Variants in ABHD2 observed in about 807,000 individuals in gnomAD.
ABHD2 encodes the protein monoacylglycerol lipase ABHD2.
ABHD2 carries 20 observed loss-of-function variants against 48.1 expected under a neutral mutation model. The observed-to-expected ratio is 0.42, with a 90% confidence interval of 0.29 to 0.60. ABHD2 has a LOEUF of 0.60. Ranked by LOEUF, ABHD2 falls within the 20% of genes least tolerant of loss-of-function variation. The probability of loss-of-function intolerance (pLI) is 0.24; values close to 1 mark genes in which losing one functional copy is unlikely to be tolerated. For missense variants in ABHD2, 405 were observed against 550.9 expected (o/e 0.74, Z 2.65); for synonymous variants, 209 against 214.2 (o/e 0.98, Z 0.21).
chr15:89,046,648 T>G, the ABHD2 span, among the ~76,000 whole-genome samples: 8 of 152,168 alleles, frequency 5.3e-5, no homozygotes, highest in Non-Finnish European at 8.8e-5. Context: ...GTCGAGGAAT[T>G]TATCCATTTC....
chr15:89,125,791 G>T (rs1021250737), intron 3 of ABHD2, among the ~76,000 whole-genome samples: 2 of 152,138 alleles, frequency 1.3e-5, no homozygotes, highest in Non-Finnish European at 2.9e-5. Flanking sequence ...GAAAAGTGCC[G>T]CCATCTTTGA....
chr15:89,069,569 T>C, the ABHD2 span, among the ~76,000 whole-genome samples: 1 of 152,038 alleles, frequency 6.6e-6, no homozygotes, highest in African/African-American at 2.4e-5. Context: ...ATTTTGCCAC[T>C]CCAGGTTTTT....
chr15:89,181,756 T>G (rs1454142949), intron 6 of ABHD2, among the ~76,000 whole-genome samples: 1 of 152,214 alleles, frequency 6.6e-6, no homozygotes, highest in Non-Finnish European at 1.5e-5. Context: ...CAGTACTTGG[T>G]CCACTCACTT....
In ABHD2 at chr15:89,173,763, G is replaced by T. The variant is rs1228334337; in HGVS notation, c.539-2049G>T. On this transcript the variant is annotated intron_variant, in intron 5 of 10. Coordinates refer to ENST00000352732, the MANE Select transcript of ABHD2 (RefSeq NM_152924.5). This position sits in a 1 kb window ranked among gnomAD's most constrained non-coding sequence, Gnocchi z 6.5. ...TCAATTCAGCAACTCTTTATTGAAG[G>T]CCTGCAAACTGCCCCAGCCTCTGCT... 6.6e-6 allele frequency among the ~76,000 whole-genome samples: 1 copy of T among 152,158 alleles called. No individual in the cohort carries two copies. Among genetic ancestry groups the T allele is most frequent in the Non-Finnish European group, 1.5e-5 (1 of 68,020 alleles).
Position 89,167,626 on chromosome 15 carries a change from C to A in ABHD2, c.539-8186C>A, listed in dbSNP as rs1459743965. Among the ~76,000 whole-genome samples the A allele has an allele frequency of 6.6e-6, 1 of 152,182 alleles. No homozygotes were observed. The highest frequency in any genetic ancestry group is 1.5e-5 in the Non-Finnish European group (1 of 68,038). ...CTGGGGAAACAAGGCTGAAAACACTCATTTTTTAAAATCCTTATTTCAGAG... is the reference window on the plus strand; with the variant it reads ...CTGGGGAAACAAGGCTGAAAACACTAATTTTTTAAAATCCTTATTTCAGAG... On this transcript the variant is annotated intron_variant, in intron 5 of 10. Coordinates refer to ENST00000352732, the MANE Select transcript of ABHD2 (RefSeq NM_152924.5). The surrounding 1 kb of genome is among the most constrained non-coding windows in gnomAD (Gnocchi z 5.5).
the ABHD2 span, among the ~76,000 whole-genome samples, chr15:89,045,523 T>C: frequency 3.9e-5 from 6 of 152,264 alleles, no homozygotes; most frequent in Non-Finnish European, 8.8e-5. Context: ...TGATTCTTCC[T>C]ACTCATGAGC....
chr15:89,161,297 C>A (rs2050758226), intron 5 of ABHD2, among the ~76,000 whole-genome samples: 1 of 152,072 alleles, frequency 6.6e-6, no homozygotes, highest in African/African-American at 2.4e-5. Context: ...CCCAGTGTAC[C>A]CTTTACCCAA....
rs2051374721 is a variant in ABHD2 at position 89,195,070 on chromosome 15, C to T, written c.1082-157C>T. On this transcript the variant is annotated intron_variant, in intron 10 of 10. Transcript: ENST00000352732. This position sits in a 1 kb window ranked among gnomAD's most constrained non-coding sequence, Gnocchi z 5.1. ...GCTAGATGCCACTGTCTTGCCTGCC[C>T]CCTCTTTGGTGAACAAGGCAGAGTG... Among the ~76,000 whole-genome samples, 1 of 152,228 alleles carries T rather than the reference C, an allele frequency of 6.6e-6. No individual in the cohort carries two copies. Among genetic ancestry groups the T allele is most frequent in the African/African-American group, 2.4e-5 (1 of 41,462 alleles).
intron 3 of ABHD2, among the ~76,000 whole-genome samples, chr15:89,119,659 A>C (rs1286021965): frequency 1.3e-5 from 2 of 152,164 alleles, no homozygotes; most frequent in Non-Finnish European, 2.9e-5. Context: ...GGAAGTGAAC[A>C]GGGACTTTTC....
At chr15:89,162,317 G>T (rs2050775045) in intron 5 of ABHD2, among the ~76,000 whole-genome samples, 1 of 152,050 alleles carries the variant, frequency 6.6e-6, no homozygotes, top group Non-Finnish European at 1.5e-5. Flanking sequence ...TTCAATTTAA[G>T]ATCCAAGTCA....
intron 3 of ABHD2, among the ~76,000 whole-genome samples, chr15:89,135,239 T>C (rs574343264): frequency 2.7e-5 from 4 of 145,982 alleles, no homozygotes; most frequent in East Asian, 4.1e-4. Context: ...ATGAAAAAAC[T>C]ACCATCCCCA....
intron 3 of ABHD2, among the ~76,000 whole-genome samples, chr15:89,138,834 G>A (rs2150862650): frequency 6.6e-6 from 1 of 152,004 alleles, no homozygotes; most frequent in Non-Finnish European, 1.5e-5. Context: ...CTGAATCAGA[G>A]ACCTGTCCTC....
chr15:89,073,772 C>G, the ABHD2 span, among the ~76,000 whole-genome samples: 1 of 152,190 alleles, frequency 6.6e-6, no homozygotes, highest in Non-Finnish European at 1.5e-5. Context: ...CGATCCTACA[C>G]ATCTGTGGAT....
At chr15:89,058,267 G>A in the ABHD2 span, among the ~76,000 whole-genome samples, 6 of 152,152 alleles carry the variant, frequency 3.9e-5, no homozygotes, top group East Asian at 1.9e-4. Flanking sequence ...CCTCACATAC[G>A]TGTGGATACT....
At chr15:89,070,011 C>T in the ABHD2 span, 1 of 152,142 alleles carries the variant, frequency 6.6e-6, no homozygotes, top group Non-Finnish European at 1.5e-5. Context: ...AAAGGGTAGG[C>T]TTGGTTGTGT....
Position 89,166,197 on chromosome 15 carries a change from A to C in ABHD2, c.539-9615A>C, listed in dbSNP as rs924992976. Among the ~76,000 whole-genome samples the C allele has an allele frequency of 2.6e-5, 4 of 152,226 alleles. No individual in the cohort carries two copies. Among genetic ancestry groups the C allele is most frequent in the Non-Finnish European group, 2.9e-5 (2 of 68,032 alleles). ...AAAATAACCTGGCTCTGGCTCCCCA[A>C]AGGTAACGAGTCCCTTAGGATCATG... On this transcript the variant is annotated intron_variant, in intron 5 of 10. Transcript: ENST00000352732. This position sits in a 1 kb window ranked among gnomAD's most constrained non-coding sequence, Gnocchi z 4.6.
chr15:89,063,399 A>G, the ABHD2 span, among the ~76,000 whole-genome samples: 3 of 152,158 alleles, frequency 2.0e-5, no homozygotes, highest in African/African-American at 7.2e-5. Context: ...AGTATAAGGA[A>G]GTAAATAAAA....
intron 6 of ABHD2, among the ~76,000 whole-genome samples, chr15:89,180,687 C>A (rs1374445761): frequency 1.3e-5 from 2 of 152,156 alleles, no homozygotes; most frequent in African/African-American, 4.8e-5. Context: ...AAGGCAGGAG[C>A]CCTGTCTTGG....
intron 3 of ABHD2, among the ~76,000 whole-genome samples, chr15:89,128,880 T>C (rs1319496933): frequency 1.3e-5 from 2 of 151,440 alleles, no homozygotes; most frequent in Non-Finnish European, 2.9e-5. Context: ...TGGTGGTAGG[T>C]GGTTGGAAAG....
Sources: allele counts gnomAD v4.1 joint callset (sites outside exome capture counted in the v4.1 genomes callset), GRCh38; gene constraint gnomAD v4.1.1; non-coding constraint Gnocchi (gnomAD v3.1); transcripts MANE v1.5; gene names NCBI Gene and HGNC (gene_info 2026-07-23, HGNC 2026-07-21).